KCNC2: variants seen among roughly 807,000 people sequenced by gnomAD.
The protein encoded by KCNC2 is voltage-gated potassium channel KCNC2.
In KCNC2, 21 loss-of-function variants were observed where a neutral mutation model predicts 44.5. The ratio of observed to expected loss-of-function variants is 0.47; its 90% confidence interval spans 0.33 to 0.68. The LOEUF is 0.68. KCNC2 is among the 30% of genes least tolerant of loss of function. KCNC2 has a pLI of 0.01. For synonymous variants in KCNC2, 391 were observed against 339.1 expected (o/e 1.15, Z -1.68); for missense variants, 589 against 826.2 (o/e 0.71, Z 3.52).
chr12:75,066,231 G>A (rs1300875041), intron 2 of KCNC2, among the ~76,000 whole-genome samples: 1 of 151,830 alleles, frequency 6.6e-6, no homozygotes, highest in Non-Finnish European at 1.5e-5. Context: ...GTTATGTTCT[G>A]CTCAAATTTT....
chr12:75,074,341 G>A (rs540597186), intron 2 of KCNC2, among the ~76,000 whole-genome samples: 17 of 150,388 alleles, frequency 1.1e-4, no homozygotes, highest in South Asian at 4.2e-4. Flanking sequence ...GGAGTCCATG[G>A]CCAGATTTGA....
chr12:75,194,394 G>C (rs766823489), intron 2 of KCNC2, among the ~76,000 whole-genome samples: 20 of 152,128 alleles, frequency 1.3e-4, no homozygotes, highest in Non-Finnish European at 2.8e-4. Flanking sequence ...CCAGAAGCTA[G>C]CACTGAGTCA....
intron 3 of KCNC2, 23 bp from the exon 4 acceptor site, chr12:75,048,340 T>C (rs1880775995): frequency 6.3e-7 from 1 of 1,583,282 alleles, no homozygotes; most frequent in African/African-American, 1.4e-5. Context: ...CCATGCCCAT[T>C]GACAGACAGT....
At chr12:75,187,337 C>T (rs1370647476) in intron 2 of KCNC2, among the ~76,000 whole-genome samples, 1 of 152,118 alleles carries the variant, frequency 6.6e-6, no homozygotes, top group East Asian at 1.9e-4. Flanking sequence ...TATGATATTG[C>T]CATTATTTAA....
chr12:75,168,554 T>C lies in KCNC2; in HGVS notation c.687+38743A>G, dbSNP rs375335269. ...TCACATAAATTTACCAGGGAAAATATAATTAAGTAAGAATTAAACAAAGTC... is the reference window on the plus strand; with the variant it reads ...TCACATAAATTTACCAGGGAAAATACAATTAAGTAAGAATTAAACAAAGTC... On this transcript the variant is annotated intron_variant, in intron 2 of 4. Transcript: ENST00000549446. Among the ~76,000 whole-genome samples, 14 of 151,674 alleles carry C rather than the reference T, an allele frequency of 9.2e-5. No individual in the cohort carries two copies. In the East Asian group the frequency reaches 2.5e-3, roughly 27 times the overall value.
chr12:75,128,721 G>T (rs1308580982), intron 2 of KCNC2, among the ~76,000 whole-genome samples: 1 of 152,110 alleles, frequency 6.6e-6, no homozygotes, highest in Non-Finnish European at 1.5e-5. Flanking sequence ...AAAAAAAAAG[G>T]TTAAGCTTTA....
chr12:75,181,041 A>G (rs985643868), intron 2 of KCNC2, among the ~76,000 whole-genome samples: 1 of 152,174 alleles, frequency 6.6e-6, no homozygotes, highest in African/African-American at 2.4e-5. Context: ...TTCAAAATAA[A>G]TACTTAAAAG....
At chr12:75,094,481 A>C (rs1443866898) in intron 2 of KCNC2, among the ~76,000 whole-genome samples, 2 of 151,674 alleles carry the variant, frequency 1.3e-5, no homozygotes, top group Non-Finnish European at 3.0e-5. Flanking sequence ...CTTAGCTTAA[A>C]AGCTGAGCCT....
At chr12:75,046,718 C>G (rs144608502) in intron 4 of KCNC2, among the ~76,000 whole-genome samples, 82 of 151,824 alleles carry the variant, frequency 5.4e-4, no homozygotes, top group African/African-American at 2.0e-3. Context: ...TAATGTAAAA[C>G]AGTAAACAAC....
intron 2 of KCNC2, among the ~76,000 whole-genome samples, chr12:75,191,620 G>A (rs1161468319): frequency 1.5e-5 from 2 of 132,646 alleles, no homozygotes; most frequent in African/African-American, 2.8e-5. Flanking sequence ...GCGCAATCTC[G>A]GCTCACTGCA....
At chr12:75,129,693 T>C (rs781042275) in intron 2 of KCNC2, among the ~76,000 whole-genome samples, 1 of 152,056 alleles carries the variant, frequency 6.6e-6, no homozygotes, top group Non-Finnish European at 1.5e-5. Flanking sequence ...TCTTTCATGA[T>C]GTGGATATCA....
intron 2 of KCNC2, among the ~76,000 whole-genome samples, chr12:75,161,238 T>C (rs1390230893): frequency 6.6e-6 from 1 of 151,734 alleles, no homozygotes; most frequent in East Asian, 1.9e-4. Flanking sequence ...TTTTCAGAAG[T>C]AAACTAAAGT....
At chr12:75,189,711 G>A (rs144770844) in intron 2 of KCNC2, among the ~76,000 whole-genome samples, 1,527 of 152,170 alleles carry the variant, frequency 0.01, 31 homozygotes, top group African/African-American at 0.035. Flanking sequence ...TCCCTACACC[G>A]CATTCAGAGT....
intron 2 of KCNC2, among the ~76,000 whole-genome samples, chr12:75,055,491 C>A (rs1273171086): frequency 2.0e-5 from 3 of 151,846 alleles, no homozygotes; most frequent in Non-Finnish European, 4.4e-5. Context: ...GTGATAAGAC[C>A]AAAAACTCCT....
chr12:75,124,657 A>C (rs964922484), intron 2 of KCNC2: 1 of 152,214 alleles, frequency 6.6e-6, no homozygotes, highest in African/African-American at 2.4e-5. Context: ...GACTCATAAA[A>C]TTTAAAATTT....
At chr12:75,045,723 A>G (rs576803970) in intron 4 of KCNC2, among the ~76,000 whole-genome samples, 1 of 152,080 alleles carries the variant, frequency 6.6e-6, no homozygotes, top group Admixed American at 6.6e-5. Context: ...GTTTTAGTTT[A>G]TGCAATATGC....
At chr12:75,131,129 C>T (rs925971696) in intron 2 of KCNC2, among the ~76,000 whole-genome samples, 2 of 151,902 alleles carry the variant, frequency 1.3e-5, no homozygotes, top group African/African-American at 2.4e-5. Context: ...AACACGTCAG[C>T]GAAAATGCCT....
chr12:75,130,838 T>G (rs555297916), intron 2 of KCNC2, among the ~76,000 whole-genome samples: 1 of 149,942 alleles, frequency 6.7e-6, no homozygotes, highest in South Asian at 2.1e-4. Context: ...GAAAGACAGA[T>G]AGGGAAGCTC....
chr12:75,059,032 A>T (rs938561657), intron 2 of KCNC2, among the ~76,000 whole-genome samples: 4 of 152,040 alleles, frequency 2.6e-5, no homozygotes, highest in Admixed American at 6.6e-5. Flanking sequence ...CAGACACTAG[A>T]GTCTCCCTTC....
Sources: allele counts gnomAD v4.1 joint callset (sites outside exome capture counted in the v4.1 genomes callset), GRCh38; gene constraint gnomAD v4.1.1; transcripts MANE v1.5; gene names NCBI Gene and HGNC (gene_info 2026-07-23, HGNC 2026-07-21).